The following CD82 variants were observed in gnomAD, a reference collection of about 807,000 sequenced individuals.
The protein encoded by CD82 is CD82 antigen.
A neutral mutation model predicts 37.4 loss-of-function variants in CD82; 36 were observed. The observed-to-expected ratio is 0.96, with a 90% CI of 0.74 to 1.27. CD82 has a LOEUF of 1.27. Among genes scored for constraint, CD82 ranks in the 50% most tolerant of loss-of-function variants. CD82 has a pLI of 0.00. For synonymous variants in CD82, 158 were observed against 137.4 expected, an observed-to-expected ratio of 1.15 and a Z score of -1.05; for missense variants, 340 against 347.0, an observed-to-expected ratio of 0.98 and a Z score of 0.16.
At chr11:44,591,552 A>T (rs1457884954) in intron 2 of CD82, among the ~76,000 whole-genome samples, 1 of 152,196 alleles carries the variant, frequency 6.6e-6, no homozygotes, top group Non-Finnish European at 1.5e-5. Flanking sequence ...CCGTCCCCAA[A>T]GATCCCTTTA....
chr11:44,611,087 G>A (rs891595485), intron 6 of CD82, among the ~76,000 whole-genome samples: 1 of 152,094 alleles, frequency 6.6e-6, no homozygotes, highest in East Asian at 1.9e-4. Context: ...TGCCCATTTC[G>A]GCCTCCCAAA....
chr11:44,603,382 G>T (rs1853335887), intron 4 of CD82, among the ~76,000 whole-genome samples: 1 of 152,214 alleles, frequency 6.6e-6, no homozygotes, highest in South Asian at 2.1e-4. Flanking sequence ...GCCCCTTGGG[G>T]ACCAAGGTGG....
intron 6 of CD82, among the ~76,000 whole-genome samples, chr11:44,611,518 C>T (rs3781759): frequency 0.18 from 27,973 of 152,164 alleles, 2,853 homozygotes; most frequent in African/African-American, 0.28. Flanking sequence ...TTGCCTGCTT[C>T]TGGCATCGAG....
chr11:44,617,366 C>T (rs1169398419), intron 7 of CD82, among the ~76,000 whole-genome samples: 1 of 152,120 alleles, frequency 6.6e-6, no homozygotes, highest in Non-Finnish European at 1.5e-5. Flanking sequence ...CAAGACCAGC[C>T]TGGCCAACAT....
chr11:44,618,723 G>T lies in CD82; in HGVS notation c.726G>T (p.Glu242Asp). Residue 242 changes from glutamate (E) to aspartate (D), a missense_variant and splice_region_variant, in exon 9 of 10, where the codon GAG becomes GAT. Transcript: ENST00000227155. The stretch of plus-strand genomic sequence containing the variant: ...TGGGCGTGGGTGTGGCCATCATCGA[G>T]GTCTGAGCCCCCTCCCCCATCCCTT... ...LGVGVGVAII[E>D]LLGMVLSICL... The T allele has an allele frequency of 6.2e-7, 1 of 1,612,004 alleles. No individual in the cohort carries two copies. Among genetic ancestry groups the T allele is most frequent in the Non-Finnish European group, 8.5e-7 (1 of 1,178,674 alleles).
rs531956451 is a variant in CD82 at position 44,601,375 on chromosome 11, C to T, written c.136+1145C>T. Among the ~76,000 whole-genome samples, 7 of 147,230 alleles carry T rather than the reference C, an allele frequency of 4.8e-5. No individual in the cohort carries two copies. In the South Asian group the frequency reaches 1.6e-3, roughly 34 times the overall value. On this transcript the variant is annotated intron_variant, in intron 4 of 9. Transcript: ENST00000227155. ...TAGCCACATCTGATGCACCCCGGGG[C>T]TATCAGTCTCATCCCCTTTCACCCT... is the stretch of plus-strand genomic sequence containing the variant.
chr11:44,597,407 T>C lies in CD82; in HGVS notation c.63+2682T>C, dbSNP rs1446459992. ...GCCTGCCCCACAGCTCCAGTCTTGG[T>C]TCACAGAGAAAAAGGGGGTGCCATG... On this transcript the variant is annotated intron_variant, in intron 3 of 9. Transcript: ENST00000227155. This position sits in a 1 kb window ranked among gnomAD's most constrained non-coding sequence, Gnocchi z 4.1. Among the ~76,000 whole-genome samples the C allele has an allele frequency of 6.6e-6, 1 of 152,196 alleles. No homozygotes were observed. The highest frequency in any genetic ancestry group is 2.4e-5 in the African/African-American group (1 of 41,454).
chr11:44,586,444 C>G (rs942300789), intron 1 of CD82, among the ~76,000 whole-genome samples: 3 of 152,182 alleles, frequency 2.0e-5, no homozygotes, highest in African/African-American at 7.2e-5. Context: ...AAAATCCTTA[C>G]TTGAACCCAG....
chr11:44,588,512 G>A (rs1024943826), intron 2 of CD82, among the ~76,000 whole-genome samples: 5 of 152,194 alleles, frequency 3.3e-5, no homozygotes, highest in East Asian at 1.9e-4. Flanking sequence ...TTGAGCCACC[G>A]TACCCAGCCT....
Position 44,605,118 on chromosome 11 carries a change from C to T in CD82, c.197C>T (p.Thr66Ile). The T allele has an allele frequency of 6.2e-7, 1 of 1,614,232 alleles. No individual in the cohort carries two copies. The highest frequency in any genetic ancestry group is 8.5e-7 in the Non-Finnish European group (1 of 1,180,048). ...AYVFIGVGAV[T>I]MLMGFLGCIG... is the part of the protein sequence containing the mutation. The stretch of plus-strand genomic sequence containing the variant: ...GTCTTCATCGGCGTGGGGGCAGTCA[C>T]TATGCTCATGGGCTTCCTGGGCTGC... The change falls in exon 5 of 10, where the codon ACT becomes ATT. Residue 66 changes from threonine (T) to isoleucine (I), a missense_variant. By Grantham distance (89) the Thr-to-Ile change is moderately conservative. Coordinates refer to ENST00000227155, the MANE Select transcript of CD82 (RefSeq NM_002231.4).
chr11:44,615,414 T>G (rs779052268), intron 7 of CD82, 41 bp downstream of exon 7: 1 of 1,256,538 alleles, frequency 8.0e-7, no homozygotes, highest in Non-Finnish European at 1.2e-6. Flanking sequence ...CTGGCCTGGG[T>G]GTCCCTGCAT....
At position 44,584,438 on chromosome 11, in the gene CD82, C is replaced by T. The variant is rs140707956; in HGVS notation, c.-102-3037C>T. 6.0e-3 allele frequency among the ~76,000 whole-genome samples: 912 copies of T among 152,284 alleles called. 11 individuals carry two copies. The highest frequency in any genetic ancestry group is 0.021 in the African/African-American group (869 of 41,538). On this transcript the variant is annotated intron_variant, in intron 1 of 9. Coordinates refer to ENST00000227155, the MANE Select transcript of CD82 (RefSeq NM_002231.4). ...GGTAGCTGAGATTACAGGCACCCGC[C>T]ACCATGCCCAGCTAATTTTTTGCAT...
chr11:44,582,005 G>A (rs1263887094), intron 1 of CD82, among the ~76,000 whole-genome samples: 1 of 152,212 alleles, frequency 6.6e-6, no homozygotes, highest in Non-Finnish European at 1.5e-5. Context: ...TTAACACCTG[G>A]CTGCAGTGAC....
upstream of CD82, among the ~76,000 whole-genome samples, chr11:44,565,041 T>C (rs895986035): frequency 6.6e-6 from 1 of 152,224 alleles, no homozygotes; most frequent in African/African-American, 2.4e-5. Context: ...GGCCGCCTCC[T>C]GATAGAGGCC....
chr11:44,605,346 T>C lies in CD82; in HGVS notation c.262-9T>C. 1 of 1,614,204 alleles carries C rather than the reference T, an allele frequency of 6.2e-7. No homozygotes were observed. Among genetic ancestry groups the C allele is most frequent in the Non-Finnish European group, 8.5e-7 (1 of 1,179,990 alleles). ...CTCAGCTGACTTTGTGCCTGCTCTGTGTCCCCAGTACTTTGCTTTCCTGCT... is the reference window on the plus strand; with the variant it reads ...CTCAGCTGACTTTGTGCCTGCTCTGCGTCCCCAGTACTTTGCTTTCCTGCT... On this transcript the variant is annotated splice_polypyrimidine_tract_variant and intron_variant, in intron 5 of 9. Coordinates refer to ENST00000227155, the MANE Select transcript of CD82 (RefSeq NM_002231.4).
chr11:44,592,540 G>A (rs1853160715), intron 2 of CD82, among the ~76,000 whole-genome samples: 1 of 152,240 alleles, frequency 6.6e-6, no homozygotes, highest in Non-Finnish European at 1.5e-5. Context: ...TTCTCTTGCT[G>A]TTTAGTTCCT....
chr11:44,604,861 C>A, intron 4 of CD82, 197 bp from the exon 5 acceptor site: 1 of 669,460 alleles, frequency 1.5e-6, no homozygotes, highest in South Asian at 1.8e-5. Flanking sequence ...GTGTGGATTG[C>A]AATTTTACTG....
intron 3 of CD82, among the ~76,000 whole-genome samples, chr11:44,598,400 A>ATTTTTTTTTTTTTTTTTTTTTTTT (rs71038809): frequency 5.1e-5 from 3 of 58,880 alleles, no homozygotes; most frequent in African/African-American, 6.5e-5. Flanking sequence ...TTTGGCCTTA[A>ATTTTTTTTTTTTTTTTTTTTTTTT]TTTTTTTTTT....
At chr11:44,571,721 T>G (rs906025972) in intron 1 of CD82, among the ~76,000 whole-genome samples, 1 of 152,130 alleles carries the variant, frequency 6.6e-6, no homozygotes, top group Non-Finnish European at 1.5e-5. Flanking sequence ...ATTTCAGGCA[T>G]GCACCACCAC....
Sources: allele counts gnomAD v4.1 joint callset (sites outside exome capture counted in the v4.1 genomes callset), GRCh38; gene constraint gnomAD v4.1.1; non-coding constraint Gnocchi (gnomAD v3.1); transcripts MANE v1.5; gene names NCBI Gene and HGNC (gene_info 2026-07-23, HGNC 2026-07-21).